TMIGD3: variants seen among roughly 807,000 people sequenced by gnomAD.
The protein encoded by TMIGD3 is transmembrane and immunoglobulin domain containing 3.
In TMIGD3, 21 loss-of-function variants were observed where a neutral mutation model predicts 28.1. That is an observed-to-expected ratio of 0.75 (90% CI 0.53 to 1.08). The LOEUF (loss-of-function observed/expected upper bound fraction) is 1.08, where lower values mean the gene tolerates loss of function less well. TMIGD3 is among the 50% of genes least tolerant of loss of function. The pLI is 0.00. For missense variants in TMIGD3, 416 were observed against 435.6 expected (o/e 0.96, Z 0.40); for synonymous variants, 151 against 162.1 (o/e 0.93, Z 0.52).
At chr1:111,547,116 T>C (rs1392908731) in intron 1 of TMIGD3, among the ~76,000 whole-genome samples, 1 of 152,216 alleles carries the variant, frequency 6.6e-6, no homozygotes, top group Non-Finnish European at 1.5e-5. Context: ...TATATTGGTC[T>C]TGTATCCTTC....
intron 1 of TMIGD3, among the ~76,000 whole-genome samples, chr1:111,536,577 T>C (rs1000427514): frequency 2.0e-5 from 3 of 152,218 alleles, no homozygotes; most frequent in African/African-American, 4.8e-5. Context: ...AGTTAATGTC[T>C]TTTTCTTTGA....
At chr1:111,539,918 G>A (rs1432700312) in intron 1 of TMIGD3, among the ~76,000 whole-genome samples, 2 of 152,240 alleles carry the variant, frequency 1.3e-5, no homozygotes, top group Admixed American at 1.3e-4. Context: ...GAAACACATT[G>A]AGAACCTAAA....
chr1:111,506,946 T>TACAC (rs1655518095), upstream of TMIGD3, among the ~76,000 whole-genome samples: 3 of 111,600 alleles, frequency 2.7e-5, no homozygotes, highest in Admixed American at 3.0e-4. Flanking sequence ...CACATATATA[T>TACAC]ACACACACAT....
At chr1:111,508,472 T>A (rs942143934), upstream of TMIGD3, among the ~76,000 whole-genome samples, 1 of 152,126 alleles carries the variant, frequency 6.6e-6, no homozygotes, top group African/African-American at 2.4e-5. Flanking sequence ...AAACGCTCCT[T>A]TGAAACTGCT....
chr1:111,497,631 A>G (rs929831227), intron 1 of TMIGD3, among the ~76,000 whole-genome samples: 20 of 152,208 alleles, frequency 1.3e-4, no homozygotes, highest in Admixed American at 3.9e-4. Flanking sequence ...GGACTTGCTA[A>G]GCTGTGGCAA....
chr1:111,503,068 G>C lies in TMIGD3; in HGVS notation c.287C>G (p.Ala96Gly), dbSNP rs370388667. Residue 96 changes from alanine (A) to glycine (G), a missense_variant, in exon 1 of 6, where the codon GCC becomes GGC. Transcript: ENST00000369716. ...MTCLLLIFTH[A>G]SIMSLLAIAV... The stretch of plus-strand genomic sequence containing the variant: ...GATGGCCAGCAAGGACATGATGGAG[G>C]CGTGGGTAAAGATAAGCAGTAGGCA... 9 of 1,614,128 alleles carry C rather than the reference G, an allele frequency of 5.6e-6. No individual in the cohort carries two copies. In the African/African-American group the frequency reaches 1.2e-4, roughly 22 times the overall value.
chr1:111,534,023 G>T (rs879552156), intron 1 of TMIGD3, among the ~76,000 whole-genome samples: 3 of 152,016 alleles, frequency 2.0e-5, no homozygotes, highest in Non-Finnish European at 4.4e-5. Context: ...TCATAGATTT[G>T]TTCTGAGGAT....
chr1:111,539,199 A>G (rs1372808599), intron 1 of TMIGD3, among the ~76,000 whole-genome samples: 1 of 152,214 alleles, frequency 6.6e-6, no homozygotes, highest in African/African-American at 2.4e-5. Context: ...CCCATCACCC[A>G]GGTAGTGAGC....
chr1:111,535,858 C>T (rs1368872233), intron 1 of TMIGD3, among the ~76,000 whole-genome samples: 1 of 152,194 alleles, frequency 6.6e-6, no homozygotes, highest in Admixed American at 6.5e-5. Context: ...CAGCTGCCTT[C>T]TCCCGGCCTC....
At chr1:111,549,162 G>A (rs940415580) in intron 1 of TMIGD3, among the ~76,000 whole-genome samples, 2 of 152,086 alleles carry the variant, frequency 1.3e-5, no homozygotes, top group South Asian at 4.1e-4. Context: ...TCTTTGTCTG[G>A]TGTTAGTATT....
intron 1 of TMIGD3, among the ~76,000 whole-genome samples, chr1:111,517,299 A>G (rs2100999985): frequency 6.6e-6 from 1 of 152,206 alleles, no homozygotes; most frequent in Admixed American, 6.5e-5. Context: ...CTATGGCAAT[A>G]CAGGGTGACT....
intron 1 of TMIGD3, among the ~76,000 whole-genome samples, chr1:111,510,578 G>A (rs770612658): frequency 2.0e-5 from 3 of 152,000 alleles, no homozygotes; most frequent in Non-Finnish European, 4.4e-5. Context: ...GTTCGGTCTC[G>A]GTAATCACAC....
At chr1:111,533,673 C>T (rs560919581) in intron 1 of TMIGD3, among the ~76,000 whole-genome samples, 86 of 152,264 alleles carry the variant, frequency 5.6e-4, no homozygotes, top group African/African-American at 1.9e-3. Flanking sequence ...CTTGCCTCAG[C>T]CCCCCGAGTA....
At chr1:111,498,770 T>A (rs1370777119) in intron 1 of TMIGD3, among the ~76,000 whole-genome samples, 1 of 152,178 alleles carries the variant, frequency 6.6e-6, no homozygotes, top group Non-Finnish European at 1.5e-5. Flanking sequence ...AGATAATGCA[T>A]GCAAAGTACT....
chr1:111,505,188 T>A, upstream of TMIGD3: 1 of 311,098 alleles, frequency 3.2e-6, no homozygotes, highest in Non-Finnish European at 4.7e-6. Flanking sequence ...GAACCTTAGT[T>A]AAATACTGCA....
In TMIGD3 at chr1:111,542,221, C is replaced by A. The variant is rs1656858358; in HGVS notation, c.107+21625G>T. On this transcript the variant is annotated intron_variant, in intron 1 of 5. Coordinates refer to the TMIGD3 transcript ENST00000369717. Reference sequence around the variant, plus strand: ...AGACCAGCTTAATGAAACAGACATCCTTCGCGTACTGACGGAAACACTGGC... The same window carrying A: ...AGACCAGCTTAATGAAACAGACATCATTCGCGTACTGACGGAAACACTGGC... The A allele has an allele frequency of 8.7e-5, 52 of 596,476 alleles. 2 individuals carry two copies. The highest frequency in any genetic ancestry group is 6.9e-4 in the South Asian group (50 of 72,480). 36.9% of individuals were successfully genotyped at this position (596,476 alleles called of 1,614,324 possible). A position where few individuals can be genotyped will look rare whatever the true frequency, so the allele number is the denominator to read the frequency against.
chr1:111,490,857 G>C, intron 1 of TMIGD3, 95 bp from the exon 2 acceptor site: 1 of 825,628 alleles, frequency 1.2e-6, no homozygotes. Context: ...AGTCCAAGCA[G>C]TGCTGCCATG....
chr1:111,486,421 G>A (rs1407879762), intron 4 of TMIGD3, among the ~76,000 whole-genome samples, 165 bp downstream of exon 4: 1 of 146,648 alleles, frequency 6.8e-6, no homozygotes, highest in Admixed American at 6.8e-5. Context: ...TTTTTTTTGA[G>A]GAAACCAAAT....
chr1:111,549,175 G>A (rs575854696), intron 1 of TMIGD3, among the ~76,000 whole-genome samples: 1 of 152,076 alleles, frequency 6.6e-6, no homozygotes, highest in South Asian at 2.1e-4. Flanking sequence ...TTAGTATTAG[G>A]GTAATATTGG....
Sources: gnomAD v4.1 joint callset for allele counts (sites outside exome capture counted in the v4.1 genomes callset) on GRCh38, gnomAD v4.1.1 for gene constraint, MANE v1.5 for transcripts, NCBI Gene and HGNC (gene_info 2026-07-23, HGNC 2026-07-21) for gene names.